DIAPH3: variants seen among roughly 807,000 people sequenced by gnomAD.
DIAPH3 encodes diaphanous related formin 3.
A neutral mutation model predicts 144.3 loss-of-function variants in DIAPH3; 117 were observed. That is an observed-to-expected ratio of 0.81 (90% CI 0.70 to 0.95). The LOEUF (loss-of-function observed/expected upper bound fraction) is 0.95. Ranked by LOEUF, DIAPH3 falls within the 40% of genes least tolerant of loss-of-function variation. The pLI is 0.00. For synonymous variants in DIAPH3, 519 were observed against 488.9 expected, an observed-to-expected ratio of 1.06 and a Z score of -0.81; for missense variants, 1,421 against 1,412.7, an observed-to-expected ratio of 1.01 and a Z score of -0.09.
At chr13:59,939,857 TG>T (rs2048440147) in intron 17 of DIAPH3, among the ~76,000 whole-genome samples, 1 of 151,688 alleles carries the variant, frequency 6.6e-6, no homozygotes, top group African/African-American at 2.4e-5. Context: ...TGTGTGTGTG[TG>T]TGTGTGTGTG....
chr13:59,693,284 T>C (rs532824343), intron 27 of DIAPH3, among the ~76,000 whole-genome samples: 63 of 152,224 alleles, frequency 4.1e-4, no homozygotes, highest in Non-Finnish European at 7.6e-4. Flanking sequence ...TTGTATGAAC[T>C]GAGATTTTAT....
At position 59,694,613 on chromosome 13, in the gene DIAPH3, C is replaced by A. The variant is rs372321656; in HGVS notation, c.3320-27767G>T. Among the ~76,000 whole-genome samples the A allele has an allele frequency of 3.3e-3, 497 of 152,184 alleles. 2 individuals carry two copies. Among genetic ancestry groups the A allele is most frequent in the South Asian group, 0.031 (149 of 4,814 alleles). ...CAATGCTCTTGGGATGCCTACATTT[C>A]TGCTTAATAAAGTAAATTAGCCTTT... On this transcript the variant is annotated intron_variant, in intron 27 of 27. Transcript: ENST00000400324.
At chr13:59,967,349 A>G (rs2050118529) in intron 17 of DIAPH3, among the ~76,000 whole-genome samples, 4 of 152,176 alleles carry the variant, frequency 2.6e-5, no homozygotes, top group Admixed American at 2.6e-4. Flanking sequence ...TGCTGAGATT[A>G]CAGGCGGGAG....
At chr13:60,015,005 TTTTG>T (rs754308478) in intron 7 of DIAPH3, among the ~76,000 whole-genome samples, 1 of 151,880 alleles carries the variant, frequency 6.6e-6, no homozygotes, top group Non-Finnish European at 1.5e-5. Context: ...TTTTGTTTTG[TTTTG>T]TTTAAGGACA....
chr13:60,043,074 T>C lies in DIAPH3; in HGVS notation c.496-254A>G, dbSNP rs1448160899. ...CTGCCTTCTCAAATGTAAAATGACA[T>C]GGAGAACAATTGTATACTATAGAAA... is the stretch of plus-strand genomic sequence containing the variant. On this transcript the variant is annotated intron_variant, in intron 4 of 27. Transcript: ENST00000400324. Among the ~76,000 whole-genome samples, 4 of 152,146 alleles carry C rather than the reference T, an allele frequency of 2.6e-5. No homozygotes were observed. In the East Asian group the frequency reaches 5.8e-4, roughly 22 times the overall value.
chr13:59,893,667 T>C (rs533178630), intron 20 of DIAPH3, among the ~76,000 whole-genome samples: 1 of 151,948 alleles, frequency 6.6e-6, no homozygotes, highest in Non-Finnish European at 1.5e-5. Context: ...ATACAGACAG[T>C]GTGACACAGG....
rs150410243 is a variant in DIAPH3 at position 59,957,638 on chromosome 13, G to A, written c.2074+12306C>T. Among the ~76,000 whole-genome samples the A allele has an allele frequency of 3.9e-3, 601 of 152,210 alleles. 5 individuals carry two copies. The highest frequency in any genetic ancestry group is 0.014 in the African/African-American group (584 of 41,532). ...TTGCTATTAGTACTGAAAAACTGCC[G>A]AATCTGCAAAAGTATTTAATGAAAA... On this transcript the variant is annotated intron_variant, in intron 17 of 27. Coordinates refer to ENST00000400324, the MANE Select transcript of DIAPH3 (RefSeq NM_001042517.2).
intron 10 of DIAPH3, 42 bp downstream of exon 10, chr13:59,992,431 C>T: frequency 6.8e-7 from 1 of 1,481,312 alleles, no homozygotes; most frequent in South Asian, 1.2e-5. Context: ...CTCAAGTACT[C>T]TTTTAATTTA....
At chr13:59,856,932 T>C (rs549940075) in intron 22 of DIAPH3, among the ~76,000 whole-genome samples, 1 of 152,048 alleles carries the variant, frequency 6.6e-6, no homozygotes, top group African/African-American at 2.4e-5. Context: ...TTCATAACAT[T>C]CTAATATTCT....
chr13:60,000,534 G>A (rs532056142), intron 9 of DIAPH3, among the ~76,000 whole-genome samples: 1 of 151,996 alleles, frequency 6.6e-6, no homozygotes, highest in East Asian at 1.9e-4. Context: ...ATCCACAGAA[G>A]GACAACATAA....
At chr13:59,799,606 T>C (rs752392663) in intron 25 of DIAPH3, among the ~76,000 whole-genome samples, 13 of 152,226 alleles carry the variant, frequency 8.5e-5, no homozygotes, top group Middle Eastern at 3.2e-3. Flanking sequence ...TCATATCTTG[T>C]CCTAGGATTG....
intron 27 of DIAPH3, among the ~76,000 whole-genome samples, chr13:59,751,115 G>C (rs558265413): frequency 1.3e-5 from 2 of 152,234 alleles, no homozygotes; most frequent in African/African-American, 4.8e-5. Context: ...TTAAGGGATC[G>C]ACAGAAGGAA....
At chr13:60,107,579 T>C (rs1400812687) in intron 3 of DIAPH3, among the ~76,000 whole-genome samples, 2 of 152,298 alleles carry the variant, frequency 1.3e-5, no homozygotes, top group East Asian at 1.9e-4. Context: ...GAAAAGCCAA[T>C]GTATGTATTA....
intron 3 of DIAPH3, among the ~76,000 whole-genome samples, chr13:60,099,635 C>T (rs2058207138): frequency 1.3e-5 from 2 of 152,128 alleles, no homozygotes; most frequent in Admixed American, 6.5e-5. Context: ...ATCGTTAAAT[C>T]GAACCACTAT....
At chr13:59,827,240 C>A (rs905580803) in intron 24 of DIAPH3, among the ~76,000 whole-genome samples, 3 of 151,976 alleles carry the variant, frequency 2.0e-5, no homozygotes, top group Non-Finnish European at 4.4e-5. Context: ...TCAGAGTGAA[C>A]AGGCAACCTA....
intron 26 of DIAPH3, 134 bp downstream of exon 26, chr13:59,774,594 C>T: frequency 1.1e-6 from 1 of 872,704 alleles, no homozygotes; most frequent in Non-Finnish European, 1.9e-6. Flanking sequence ...ATTAAGCAAA[C>T]TTATGAAACT....
intron 27 of DIAPH3, among the ~76,000 whole-genome samples, chr13:59,710,635 T>C (rs2034684201): frequency 6.6e-6 from 1 of 152,242 alleles, no homozygotes; most frequent in African/African-American, 2.4e-5. Context: ...CATTTATTTG[T>C]AAACAGAAGA....
At chr13:59,818,389 A>C (rs1046014279) in intron 24 of DIAPH3, among the ~76,000 whole-genome samples, 1 of 151,920 alleles carries the variant, frequency 6.6e-6, no homozygotes, top group African/African-American at 2.4e-5. Context: ...GCATCACTTA[A>C]AGATCTCACT....
intron 5 of DIAPH3, among the ~76,000 whole-genome samples, chr13:60,034,987 T>C (rs547526437): frequency 3.8e-4 from 58 of 152,260 alleles, no homozygotes; most frequent in Non-Finnish European, 7.5e-4. Flanking sequence ...AAGTCAATCT[T>C]GGCCATTTAA....
Sources: gnomAD v4.1 joint callset for allele counts (sites outside exome capture counted in the v4.1 genomes callset) on GRCh38, gnomAD v4.1.1 for gene constraint, MANE v1.5 for transcripts, NCBI Gene and HGNC (gene_info 2026-07-23, HGNC 2026-07-21) for gene names.